The following TTC19 variants were observed in gnomAD, a reference collection of about 807,000 sequenced individuals.
TTC19 encodes the protein tetratricopeptide repeat domain 19, also known as tetratricopeptide repeat protein 19, mitochondrial.
A neutral mutation model predicts 49.5 loss-of-function variants in TTC19; 38 were observed. The ratio of observed to expected loss-of-function variants is 0.77; its 90% CI spans 0.59 to 1.01. TTC19 has a LOEUF of 1.01. TTC19 is among the 50% of genes least tolerant of loss of function. The pLI, the probability that TTC19 is intolerant of heterozygous loss-of-function variation, is 0.00. For synonymous variants in TTC19, 204 were observed against 185.2 expected (o/e 1.10, Z -0.83); for missense variants, 475 against 477.7 (o/e 0.99, Z 0.05).
At chr17:16,042,802 A>G (rs1156383555) in intron 2 of TTC19, among the ~76,000 whole-genome samples, 1 of 152,190 alleles carries the variant, frequency 6.6e-6, no homozygotes, top group South Asian at 2.1e-4. Flanking sequence ...CATGGATTCA[A>G]TTTTAGATAT....
At chr17:16,012,268 C>A (rs1452232565) in intron 7 of TTC19, among the ~76,000 whole-genome samples, 1 of 152,084 alleles carries the variant, frequency 6.6e-6, no homozygotes, top group East Asian at 1.9e-4. Context: ...GCGGGTGGAT[C>A]ACTTGAGGTC....
intron 2 of TTC19, 63 bp downstream of exon 2, chr17:16,000,308 C>CG: frequency 6.3e-7 from 1 of 1,580,022 alleles, no homozygotes; most frequent in Non-Finnish European, 8.5e-7. Flanking sequence ...GGGGTCTTGG[C>CG]GTTGCTGCGC....
rs1182505376 is a variant in TTC19, at chr17:16,027,922, T to TATCA, written c.*403_*406dup. ...TGCCCTGTCTTCTCTTACTTTACTT[T>TATCA]ATCAATACCTGGCAAACTGACCAGA... is the stretch of plus-strand genomic sequence containing the variant. On this transcript the variant is annotated 3_prime_UTR_variant, in exon 10 of 10. Coordinates refer to ENST00000261647, the MANE Select transcript of TTC19 (RefSeq NM_017775.4). 2.2e-6 allele frequency: 1 copy of TATCA among 456,362 alleles called. No homozygotes were observed. The highest frequency in any genetic ancestry group is 2.3e-5 in the Admixed American group (1 of 42,614). The allele number at this position is 456,362 out of a possible 1,614,324, so 28.3% of individuals were successfully genotyped here. A position where few individuals can be genotyped will look rare whatever the true frequency, so the allele number is the denominator to read the frequency against.
chr17:16,032,570 G>C (rs1032195529), downstream of TTC19: 14 of 1,299,492 alleles, frequency 1.1e-5, no homozygotes, highest in Non-Finnish European at 1.5e-5. Flanking sequence ...AGTAGAATAG[G>C]ATTATTGTAA....
At chr17:16,004,923 G>T (rs1035719173) in intron 6 of TTC19, among the ~76,000 whole-genome samples, 2 of 152,190 alleles carry the variant, frequency 1.3e-5, no homozygotes, top group African/African-American at 2.4e-5. Context: ...CACTAGATAG[G>T]CTAGAGCTTC....
intron 7 of TTC19, among the ~76,000 whole-genome samples, chr17:16,017,448 CAAAAAA>C (rs372559333): frequency 1.9e-5 from 1 of 53,698 alleles, no homozygotes; most frequent in African/African-American, 5.2e-5. Context: ...GACTCCGGCT[CAAAAAA>C]AAAAAAAAAA....
intron 7 of TTC19, among the ~76,000 whole-genome samples, chr17:16,011,188 T>C (rs892431310): frequency 6.6e-6 from 1 of 152,184 alleles, no homozygotes; most frequent in East Asian, 1.9e-4. Context: ...TTTTTTGTTT[T>C]TGTTTTTGTT....
In TTC19 at chr17:16,034,986, C is replaced by A. The variant is rs1238686253; in HGVS notation, c.247+8284C>A. 1.9e-6 allele frequency: 3 copies of A among 1,575,702 alleles called. No homozygotes were observed. In the South Asian group the frequency reaches 3.4e-5, roughly 18 times the overall value. On this transcript the variant is annotated intron_variant, in intron 2 of 2. Coordinates refer to the TTC19 transcript ENST00000470649. ...AGTTAAAGTATTAATATATTAAGTTCTCAAAAATTACCAAAATGCTAATGA... is the reference window on the plus strand; with the variant it reads ...AGTTAAAGTATTAATATATTAAGTTATCAAAAATTACCAAAATGCTAATGA...
chr17:16,044,530 A>G (rs910853808), exon 3 of TTC19: 11 of 490,566 alleles, frequency 2.2e-5, no homozygotes, highest in Non-Finnish European at 4.6e-5. Flanking sequence ...GGTCCTTCCA[A>G]GGAAGCTAAG....
intron 2 of TTC19, chr17:16,035,018 ATTGCT>A: frequency 2.8e-6 from 4 of 1,408,814 alleles, no homozygotes; most frequent in Admixed American, 2.0e-5. Context: ...ATGATTATAT[ATTGCT>A]AAATGAAAAA....
chr17:16,015,172 T>C (rs950227187), intron 7 of TTC19, among the ~76,000 whole-genome samples: 3 of 152,220 alleles, frequency 2.0e-5, no homozygotes, highest in African/African-American at 4.8e-5. Context: ...TGTGGGATAT[T>C]GCATTGGAAT....
Position 16,026,398 on chromosome 17 carries a change from T to C in TTC19, c.832-142T>C, listed in dbSNP as rs1172908834. ...TTATGATTAACAAATGCCCACAAAT[T>C]TGTTAAAGAATGGTATCCCTCATCT... On this transcript the variant is annotated intron_variant, in intron 8 of 9. Coordinates refer to ENST00000261647, the MANE Select transcript of TTC19 (RefSeq NM_017775.4). 6 of 750,462 alleles carry C rather than the reference T, an allele frequency of 8.0e-6. No individual in the cohort carries two copies. The Admixed American group carries it at 1.4e-4, about 17-fold the overall frequency. 46.5% of individuals were successfully genotyped at this position (750,462 alleles called of 1,614,324 possible).
Position 16,000,317 on chromosome 17 carries a change from G to T in TTC19, c.312+72G>T, listed in dbSNP as rs767134942. 6 of 1,574,272 alleles carry T rather than the reference G, an allele frequency of 3.8e-6. No homozygotes were observed. The African/African-American group carries it at 8.1e-5, about 21-fold the overall frequency. On this transcript the variant is annotated intron_variant, in intron 2 of 9. Transcript: ENST00000261647. ...GTGAGCGGGGTCTTGGCGTTGCTGCGCATTACTCTCTCCGCCTCGCCGAAG... is the reference window on the plus strand; with the variant it reads ...GTGAGCGGGGTCTTGGCGTTGCTGCTCATTACTCTCTCCGCCTCGCCGAAG...
At chr17:16,001,831 A>G in intron 2 of TTC19, 84 bp from the exon 3 acceptor site, 1 of 872,752 alleles carries the variant, frequency 1.1e-6, no homozygotes, top group East Asian at 2.5e-5. Flanking sequence ...ATCAGTTGGG[A>G]TGTACAGTTG....
At chr17:16,007,682 A>C (rs1056191590) in intron 7 of TTC19, among the ~76,000 whole-genome samples, 12 of 152,230 alleles carry the variant, frequency 7.9e-5, no homozygotes, top group Non-Finnish European at 1.8e-4. Context: ...CAACTTGGGT[A>C]CACTGGACAA....
In TTC19 at chr17:16,036,351, T is replaced by C. The variant is rs904780896; in HGVS notation, c.248-8152T>C. Among the ~76,000 whole-genome samples, 8 of 152,360 alleles carry C rather than the reference T, an allele frequency of 5.3e-5. No homozygotes were observed. The South Asian group carries it at 6.2e-4, about 12-fold the overall frequency. ...TGTCATCTAGGCTTTGTTCCATTTCTAGAGCACAGGCGAGTAGACCAAGCA... is the reference window on the plus strand; with the variant it reads ...TGTCATCTAGGCTTTGTTCCATTTCCAGAGCACAGGCGAGTAGACCAAGCA... On this transcript the variant is annotated intron_variant, in intron 2 of 2. Coordinates refer to the TTC19 transcript ENST00000470649.
chr17:16,034,940 T>G (rs1331700840), intron 2 of TTC19: 3 of 1,613,300 alleles, frequency 1.9e-6, no homozygotes, highest in Non-Finnish European at 2.5e-6. Context: ...GTTTGCAAAC[T>G]CCTCCTGAAA....
chr17:16,027,112 C>T, intron 9 of TTC19: 1 of 536,398 alleles, frequency 1.9e-6, no homozygotes, highest in Non-Finnish European at 3.3e-6. Context: ...CCTGGGATGA[C>T]AGGTGTATTA....
Position 16,027,565 on chromosome 17 carries a change from G to A in TTC19, c.*43G>A, listed in dbSNP as rs777070324. 1 of 1,605,066 alleles carries A rather than the reference G, an allele frequency of 6.2e-7. No homozygotes were observed. The highest frequency in any genetic ancestry group is 8.5e-7 in the Non-Finnish European group (1 of 1,172,728). On this transcript the variant is annotated 3_prime_UTR_variant, in exon 10 of 10. Transcript: ENST00000261647. Reference sequence around the variant, plus strand: ...GAGAATAATGTCTAGTAATGTGGAAGAATAGCTATCATTCCTGTCTCTGTG... The same window carrying A: ...GAGAATAATGTCTAGTAATGTGGAAAAATAGCTATCATTCCTGTCTCTGTG...
Sources: allele counts gnomAD v4.1 joint callset (sites outside exome capture counted in the v4.1 genomes callset), GRCh38; gene constraint gnomAD v4.1.1; transcripts MANE v1.5; gene names NCBI Gene and HGNC (gene_info 2026-07-23, HGNC 2026-07-21).